Variants in MYO1F observed in about 807,000 individuals in gnomAD.
MYO1F encodes the protein myosin IF, also known as unconventional myosin-If.
Under a neutral mutation model 146.6 loss-of-function variants are expected in MYO1F, and 60 were observed. The observed-to-expected ratio is 0.41, with a 90% CI of 0.33 to 0.51. MYO1F has a LOEUF of 0.51. Among genes scored for constraint, MYO1F ranks in the 20% least tolerant of loss-of-function variants. The probability of loss-of-function intolerance (pLI) is 0.25; values close to 1 mark genes in which losing one functional copy is unlikely to be tolerated. For synonymous variants in MYO1F, 602 were observed against 602.1 expected, an observed-to-expected ratio of 1.00 and a Z score of 0.00; for missense variants, 1,274 against 1,534.3, an observed-to-expected ratio of 0.83 and a Z score of 2.83.
intron 10 of MYO1F, 22 bp downstream of exon 10, chr19:8,550,138 T>C: frequency 6.2e-7 from 1 of 1,612,662 alleles, no homozygotes; most frequent in Non-Finnish European, 8.5e-7. Context: ...CCACTCTGCC[T>C]TCCAGCCCCA....
At chr19:8,575,224 G>C (rs1029569028) in intron 1 of MYO1F, among the ~76,000 whole-genome samples, 4 of 151,584 alleles carry the variant, frequency 2.6e-5, no homozygotes, top group Non-Finnish European at 5.9e-5. Flanking sequence ...TGACAGGCAT[G>C]TGCCACCACA....
At chr19:8,561,383 C>CTCCCTCCCT (rs1202910061) in intron 1 of MYO1F, among the ~76,000 whole-genome samples, 1 of 107,382 alleles carries the variant, frequency 9.3e-6, no homozygotes, top group African/African-American at 3.6e-5. Flanking sequence ...CCTCCCTTCC[C>CTCCCTCCCT]CCCTTCTTTC....
chr19:8,536,147 C>T (rs1972698010), intron 19 of MYO1F, 105 bp downstream of exon 19: 1 of 1,413,414 alleles, frequency 7.1e-7, no homozygotes. Context: ...CAGTCTTTCT[C>T]TCAATCTCTG....
At chr19:8,537,714 A>G (rs1190510076) in intron 16 of MYO1F, among the ~76,000 whole-genome samples, 4 of 151,928 alleles carry the variant, frequency 2.6e-5, no homozygotes, top group African/African-American at 9.7e-5. Context: ...GATTACAGGC[A>G]TGAGCCACTA....
At chr19:8,564,581 G>A (rs1305916696) in intron 1 of MYO1F, among the ~76,000 whole-genome samples, 1 of 151,970 alleles carries the variant, frequency 6.6e-6, no homozygotes, top group East Asian at 1.9e-4. Context: ...ATGGGACGAG[G>A]GTGGGTTAGG....
chr19:8,532,147 C>T (rs1024318824), intron 19 of MYO1F, among the ~76,000 whole-genome samples: 1 of 151,270 alleles, frequency 6.6e-6, no homozygotes, highest in Admixed American at 6.6e-5. Context: ...AAGAATGAAA[C>T]TCCATCTCAA....
chr19:8,542,133 G>A lies in MYO1F; in HGVS notation c.1525-142C>T, dbSNP rs567826253. ...AGGATCAGGCAGTGTCTACAGCGCT[G>A]GCTGGGGGGTATCTACAGTTCAGAA... is the stretch of plus-strand genomic sequence containing the variant. On this transcript the variant is annotated intron_variant, in intron 14 of 27. Coordinates refer to ENST00000644032, the MANE Select transcript of MYO1F (RefSeq NM_012335.4). 5.0e-5 allele frequency: 35 copies of A among 695,944 alleles called. 1 individual carries two copies. Among genetic ancestry groups the A allele is most frequent in the Middle Eastern group, 3.6e-4 (1 of 2,784 alleles). 43.1% of individuals were successfully genotyped at this position (695,944 alleles called of 1,614,324 possible). A position where few individuals can be genotyped will look rare whatever the true frequency, so the allele number is the denominator to read the frequency against.
intron 1 of MYO1F, among the ~76,000 whole-genome samples, chr19:8,557,832 A>G (rs1216306464): frequency 2.0e-5 from 3 of 151,842 alleles, no homozygotes; most frequent in Admixed American, 6.6e-5. Flanking sequence ...TCCCCTCCCC[A>G]GGCCCAGGCC....
At chr19:8,532,949 C>CACACACACACAA (rs1568337800) in intron 19 of MYO1F, among the ~76,000 whole-genome samples, 4 of 139,312 alleles carry the variant, frequency 2.9e-5, no homozygotes, top group African/African-American at 1.1e-4. Context: ...CACACACACA[C>CACACACACACAA]AATTGGGCTT....
chr19:8,528,772 T>C (rs1972367494), intron 21 of MYO1F, among the ~76,000 whole-genome samples: 1 of 152,158 alleles, frequency 6.6e-6, no homozygotes, highest in African/African-American at 2.4e-5. Context: ...GTAAAGGTAT[T>C]ATGGTTCAGG....
chr19:8,526,290 A>G (rs992937538), intron 24 of MYO1F, among the ~76,000 whole-genome samples, 163 bp downstream of exon 24: 1 of 152,114 alleles, frequency 6.6e-6, no homozygotes, highest in Non-Finnish European at 1.5e-5. Context: ...TCGTGCCACA[A>G]CACTCCAGCC....
chr19:8,576,865 C>T (rs1051450210), intron 1 of MYO1F: 13 of 235,200 alleles, frequency 5.5e-5, no homozygotes, highest in South Asian at 5.4e-4. Context: ...GAGCAACTTC[C>T]GCATCTAGAC....
At chr19:8,575,058 C>A (rs1465581146) in intron 1 of MYO1F, among the ~76,000 whole-genome samples, 26 of 150,288 alleles carry the variant, frequency 1.7e-4, no homozygotes, top group Non-Finnish European at 3.3e-4. Context: ...ACCCTGCCAA[C>A]GGCATTAGAT....
chr19:8,526,598 T>C lies in MYO1F; in HGVS notation c.2625A>G (p.Leu875=), dbSNP rs1972278771. The C allele has an allele frequency of 6.3e-7, 1 of 1,594,460 alleles. No homozygotes were observed. Among genetic ancestry groups the C allele is most frequent in the Non-Finnish European group, 8.5e-7 (1 of 1,172,838 alleles). ...AGCCCTCCTTCTTCACCCGAAACTG[T>C]AGTCTATGGGGAGAGAAGAAAGCTT... The part of the protein sequence containing the change: ...RPLPLTFSDT[L]QFRVKKEGWG... The change falls in exon 24 of 28, where the codon CTA becomes CTG. Residue 875 remains leucine (L), a synonymous_variant. Transcript: ENST00000644032.
intron 1 of MYO1F, among the ~76,000 whole-genome samples, chr19:8,565,556 TA>T (rs1282823373): frequency 6.6e-6 from 1 of 151,444 alleles, no homozygotes; most frequent in Admixed American, 6.6e-5. Flanking sequence ...ATAATAATAA[TA>T]ATAAAAATTA....
Position 8,551,779 on chromosome 19 carries a change from C to T in MYO1F, c.732G>A (p.Val244=). The T allele has an allele frequency of 1.9e-6, 3 of 1,614,174 alleles. No homozygotes were observed. The highest frequency in any genetic ancestry group is 2.5e-6 in the Non-Finnish European group (3 of 1,180,044). ...AGTCGCTTCTGTCGTCCGTGCCGTCCACCTGGTAGGTGTCCGATTGGTTGA... is the reference window on the plus strand; with the variant it reads ...AGTCGCTTCTGTCGTCCGTGCCGTCTACCTGGTAGGTGTCCGATTGGTTGA... ...YYLNQSDTYQ[V]DGTDDRSDFG... is the part of the protein sequence containing the mutation. The change falls in exon 8 of 28, where the codon GTG becomes GTA. Residue 244 remains valine (V), a synonymous_variant. Transcript: ENST00000644032.
chr19:8,555,433 G>T, intron 2 of MYO1F: 1 of 560,526 alleles, frequency 1.8e-6, no homozygotes, highest in Non-Finnish European at 3.2e-6. Context: ...ATCCGGAATG[G>T]GGGAAATGGA....
intron 15 of MYO1F, among the ~76,000 whole-genome samples, chr19:8,540,789 C>T (rs546530769): frequency 1.5e-3 from 224 of 151,718 alleles, no homozygotes; most frequent in African/African-American, 5.0e-3. Context: ...TGGATTGAGA[C>T]ACTGCTTAAA....
At chr19:8,529,929 G>A (rs911737738) in intron 21 of MYO1F, 8 of 596,180 alleles carry the variant, frequency 1.3e-5, no homozygotes, top group Admixed American at 8.0e-5. Context: ...ACCTGTGATG[G>A]AACAGATGGA....
Sources: allele counts gnomAD v4.1 joint callset (sites outside exome capture counted in the v4.1 genomes callset), GRCh38; gene constraint gnomAD v4.1.1; transcripts MANE v1.5; gene names NCBI Gene and HGNC (gene_info 2026-07-23, HGNC 2026-07-21).